CTLA4: variants seen among roughly 807,000 people sequenced by gnomAD.
The protein encoded by CTLA4 is cytotoxic T-lymphocyte associated protein 4.
In CTLA4, 3 loss-of-function variants were observed where a neutral mutation model predicts 20.4. The observed-to-expected ratio is 0.15, with a 90% confidence interval of 0.07 to 0.38. The LOEUF is 0.38. Ranked by LOEUF, CTLA4 falls within the 10% of genes least tolerant of loss-of-function variation. The pLI is 1.00. For synonymous variants in CTLA4, 100 were observed against 105.2 expected, an observed-to-expected ratio of 0.95 and a Z score of 0.30; for missense variants, 184 against 276.8, an observed-to-expected ratio of 0.66 and a Z score of 2.38.
At chr2:203,872,334 A>G (rs1365358323) in intron 3 of CTLA4, among the ~76,000 whole-genome samples, 1 of 152,156 alleles carries the variant, frequency 6.6e-6, no homozygotes, top group Non-Finnish European at 1.5e-5. Flanking sequence ...TAGGTTCAGC[A>G]GTGGGGATGA....
Position 203,867,812 on chromosome 2 carries a change from A to G in CTLA4, c.-131A>G, listed in dbSNP as rs1688654726. The G allele has an allele frequency of 1.6e-6, 1 of 627,496 alleles. No homozygotes were observed. The highest frequency in any genetic ancestry group is 2.0e-5 in the South Asian group (1 of 49,022). The allele number at this position is 627,496 out of a possible 1,614,324, so 38.9% of individuals were successfully genotyped here. A position where few individuals can be genotyped will look rare whatever the true frequency, so the allele number is the denominator to read the frequency against. ...CCTTCTGTGTGTGCACATGTGTAATACATATCTGGGATCAAAGCTATCTAT... is the reference window on the plus strand; with the variant it reads ...CCTTCTGTGTGTGCACATGTGTAATGCATATCTGGGATCAAAGCTATCTAT... On this transcript the variant is annotated 5_prime_UTR_variant, in exon 1 of 4. In the 5' UTR this introduces an upstream ATG that the reference lacks. Transcript: ENST00000648405.
Position 203,870,804 on chromosome 2 carries a change from A to G in CTLA4, c.328A>G (p.Asn110Asp). Residue 110 changes from asparagine to aspartate, a missense_variant, in exon 2 of 4, where the codon AAT (asparagine) becomes GAT (aspartate). Around this residue, in one of 3 missense-constraint regions of CTLA4, gnomAD observed 147 missense variants for 223.4 expected, o/e 0.66. Transcript: ENST00000648405. This position sits in a 1 kb window ranked among gnomAD's most constrained non-coding sequence, Gnocchi z 5.3. ...DSICTGTSSG[N>D]QVNLTIQGLR... ...CATCTGCACGGGCACCTCCAGTGGA[A>G]ATCAAGTGAACCTCACTATCCAAGG... 1.2e-6 allele frequency: 2 copies of G among 1,614,186 alleles called. No individual in the cohort carries two copies. The highest frequency in any genetic ancestry group is 1.7e-6 in the Non-Finnish European group (2 of 1,180,028).
At chr2:203,871,535 G>A in intron 3 of CTLA4, 48 bp downstream of exon 3, 5 of 1,414,228 alleles carry the variant, frequency 3.5e-6, no homozygotes, top group Non-Finnish European at 4.0e-6. Flanking sequence ...GATACCTTTA[G>A]TGGTATCAAC....
intron 3 of CTLA4, 85 bp downstream of exon 3, chr2:203,871,572 T>C (rs1417103297): frequency 2.8e-6 from 3 of 1,080,804 alleles, no homozygotes; most frequent in Non-Finnish European, 2.9e-6. Context: ...TTGAGTTTAG[T>C]GTTCTTGAGA....
Position 203,870,700 on chromosome 2 carries a change from G to T in CTLA4, c.224G>T (p.Arg75Leu), listed in dbSNP as rs1196646336. 6.2e-7 allele frequency: 1 copy of T among 1,614,190 alleles called. No individual in the cohort carries two copies. Among genetic ancestry groups the T allele is most frequent in the Admixed American group, 1.7e-5 (1 of 60,020 alleles). ...ACTGAGGTCCGGGTGACAGTGCTTC[G>T]GCAGGCTGACAGCCAGGTGACTGAA... is the stretch of plus-strand genomic sequence containing the variant. ...KATEVRVTVL[R>L]QADSQVTEVC... The change falls in exon 2 of 4, where the codon CGG (arginine) becomes CTG (leucine). Residue 75 changes from arginine (R) to leucine (L), a missense_variant. Arg to Leu is a moderately radical substitution (Grantham distance 102). Around this residue, in one of 3 missense-constraint regions of CTLA4, gnomAD observed 147 missense variants for 223.4 expected, o/e 0.66. Coordinates refer to ENST00000648405, the MANE Select transcript of CTLA4 (RefSeq NM_005214.5). The surrounding 1 kb of genome is among the most constrained non-coding windows in gnomAD (Gnocchi z 5.3).
At position 203,870,328 on chromosome 2, in the gene CTLA4, T is replaced by A; in HGVS notation, c.110-258T>A. The A allele has an allele frequency of 1.9e-6, 1 of 523,384 alleles. No homozygotes were observed. The highest frequency in any genetic ancestry group is 2.5e-5 in the South Asian group (1 of 39,678). The allele number at this position is 523,384 out of a possible 1,614,324, so 32.4% of individuals were successfully genotyped here. ...GTAGAGCCAGGTCTTCTGTTTGTCATATCAGTGTTCTTCCTGCCACAACCA... is the reference window on the plus strand; with the variant it reads ...GTAGAGCCAGGTCTTCTGTTTGTCAAATCAGTGTTCTTCCTGCCACAACCA... On this transcript the variant is annotated intron_variant, in intron 1 of 3. Coordinates refer to ENST00000648405, the MANE Select transcript of CTLA4 (RefSeq NM_005214.5). This position sits in a 1 kb window ranked among gnomAD's most constrained non-coding sequence, Gnocchi z 5.3.
intron 3 of CTLA4, among the ~76,000 whole-genome samples, chr2:203,872,216 C>T (rs1254047121): frequency 1.3e-5 from 2 of 152,148 alleles, no homozygotes; most frequent in African/African-American, 2.4e-5. Context: ...TCCTTCTTCT[C>T]GCTCTTTCTC....
In CTLA4 at chr2:203,873,342, A is replaced by ATTTTAATTTGATAG. The variant is rs1688769946; in HGVS notation, c.*531_*532insTTTAATTTGATAGT. 1 of 5,678 alleles carries ATTTTAATTTGATAG rather than the reference A, an allele frequency of 1.8e-4. No individual in the cohort carries two copies. The highest frequency in any genetic ancestry group is 2.4e-3 in the Admixed American group (1 of 410). The allele number at this position is 5,678 out of a possible 1,614,324, so 0.4% of individuals were successfully genotyped here. ...TGCATATATACATATATATATATATATATATATATATATATATATATATAT... is the reference window on the plus strand; with the variant it reads ...TGCATATATACATATATATATATATATTTTAATTTGATAGTATATATATATATATATATATATAT... On this transcript the variant is annotated 3_prime_UTR_variant, in exon 4 of 4. Transcript: ENST00000648405.
In CTLA4 at chr2:203,871,463, C is replaced by A; in HGVS notation, c.543C>A (p.Leu181=). The A allele has an allele frequency of 6.2e-7, 1 of 1,613,936 alleles. No homozygotes were observed. Among genetic ancestry groups the A allele is most frequent in the Non-Finnish European group, 8.5e-7 (1 of 1,179,848 alleles). ...GGTTGTTTTTTTATAGCTTTCTCCT[C>A]ACAGCTGTTTCTTTGAGCAAAATGG... is the stretch of plus-strand genomic sequence containing the variant. ...SSGLFFYSFL[L]TAVSLSKMLK... is the part of the protein sequence containing the mutation. The change falls in exon 3 of 4, where the codon CTC becomes CTA. Residue 181 remains leucine, a synonymous_variant. Coordinates refer to ENST00000648405, the MANE Select transcript of CTLA4 (RefSeq NM_005214.5).
At position 203,870,518 on chromosome 2, in the gene CTLA4, G is replaced by A; in HGVS notation, c.110-68G>A. Reference sequence around the variant, plus strand: ...GTGGGGATGAAGCTAGAAGGCAGAAGGGCTTGCCTGGGCTTGGCCATGAAG... The same window carrying A: ...GTGGGGATGAAGCTAGAAGGCAGAAAGGCTTGCCTGGGCTTGGCCATGAAG... On this transcript the variant is annotated intron_variant, in intron 1 of 3. Coordinates refer to ENST00000648405, the MANE Select transcript of CTLA4 (RefSeq NM_005214.5). This position sits in a 1 kb window ranked among gnomAD's most constrained non-coding sequence, Gnocchi z 5.3. 6.5e-7 allele frequency: 1 copy of A among 1,547,268 alleles called. No individual in the cohort carries two copies. The highest frequency in any genetic ancestry group is 8.8e-7 in the Non-Finnish European group (1 of 1,134,974).
intron 3 of CTLA4, 133 bp from the exon 4 acceptor site, chr2:203,872,575 G>A (rs1199378692): frequency 4.1e-6 from 2 of 485,512 alleles, no homozygotes; most frequent in South Asian, 5.0e-5. Context: ...ATCTCCTGAG[G>A]TTTATAATTC....
chr2:203,870,531 C>G lies in CTLA4; in HGVS notation c.110-55C>G. 1 of 1,578,510 alleles carries G rather than the reference C, an allele frequency of 6.3e-7. No individual in the cohort carries two copies. Among genetic ancestry groups the G allele is most frequent in the Non-Finnish European group, 8.6e-7 (1 of 1,157,958 alleles). On this transcript the variant is annotated intron_variant, in intron 1 of 3. Transcript: ENST00000648405. The surrounding 1 kb of genome is among the most constrained non-coding windows in gnomAD (Gnocchi z 5.3). Reference sequence around the variant, plus strand: ...TAGAAGGCAGAAGGGCTTGCCTGGGCTTGGCCATGAAGGAGCATGAGTTCA... The same window carrying G: ...TAGAAGGCAGAAGGGCTTGCCTGGGGTTGGCCATGAAGGAGCATGAGTTCA...
intron 3 of CTLA4, among the ~76,000 whole-genome samples, chr2:203,871,956 C>A (rs1411531763): frequency 6.6e-6 from 1 of 152,190 alleles, no homozygotes; most frequent in Admixed American, 6.5e-5. Flanking sequence ...TGTAGCTGCT[C>A]ACATGACACC....
intron 1 of CTLA4, among the ~76,000 whole-genome samples, chr2:203,869,150 A>G (rs532434422): frequency 3.9e-5 from 6 of 152,354 alleles, no homozygotes; most frequent in Admixed American, 2.6e-4. Context: ...TCTTAAGCTT[A>G]GAGTCAATAC....
At chr2:203,869,459 G>A (rs1179296538) in intron 1 of CTLA4, among the ~76,000 whole-genome samples, 4 of 152,224 alleles carry the variant, frequency 2.6e-5, no homozygotes, top group East Asian at 1.9e-4. Flanking sequence ...CAGATGTCCC[G>A]TGCAAGTGGC....
At position 203,873,223 on chromosome 2, in the gene CTLA4, A is replaced by G; in HGVS notation, c.*411A>G. The stretch of plus-strand genomic sequence containing the variant: ...AAATGATCTTTTCAAGTTAAATTTT[A>G]TGCCTTTTATTTCTTAAACAAATGT... On this transcript the variant is annotated 3_prime_UTR_variant, in exon 4 of 4. Transcript: ENST00000648405. 2.5e-6 allele frequency: 1 copy of G among 402,780 alleles called. No homozygotes were observed. The highest frequency in any genetic ancestry group is 3.5e-5 in the East Asian group (1 of 28,308). The allele number at this position is 402,780 out of a possible 1,614,324, so 25.0% of individuals were successfully genotyped here.
chr2:203,870,908 C>A lies in CTLA4; in HGVS notation c.432C>A (p.Gly144=). The part of the protein sequence containing the change: ...MYPPPYYLGI[G]NGTQIYVIDP... ...CACCGCCATACTACCTGGGCATAGG[C>A]AACGGAACCCAGATTTATGTAATTG... Residue 144 remains glycine (G), a synonymous_variant, in exon 2 of 4, where the codon GGC becomes GGA. Coordinates refer to ENST00000648405, the MANE Select transcript of CTLA4 (RefSeq NM_005214.5). This position sits in a 1 kb window ranked among gnomAD's most constrained non-coding sequence, Gnocchi z 5.3. The A allele has an allele frequency of 6.2e-7, 1 of 1,613,574 alleles. No individual in the cohort carries two copies. Among genetic ancestry groups the A allele is most frequent in the South Asian group, 1.1e-5 (1 of 91,060 alleles).
intron 3 of CTLA4, 47 bp downstream of exon 3, chr2:203,871,534 A>T: frequency 7.0e-7 from 1 of 1,429,694 alleles, no homozygotes; most frequent in Non-Finnish European, 9.9e-7. Flanking sequence ...GGATACCTTT[A>T]GTGGTATCAA....
In CTLA4 at chr2:203,872,917, G is replaced by A. The variant is rs568556838; in HGVS notation, c.*105G>A. 2.0e-5 allele frequency: 15 copies of A among 737,394 alleles called. No individual in the cohort carries two copies. Among genetic ancestry groups the A allele is most frequent in the African/African-American group, 3.5e-5 (2 of 56,544 alleles). The allele number at this position is 737,394 out of a possible 1,614,324, so 45.7% of individuals were successfully genotyped here. On this transcript the variant is annotated 3_prime_UTR_variant, in exon 4 of 4. Transcript: ENST00000648405. ...TTTTATTTGTTTGTGCATTTGGGGGGAATTCATCTCTCTTTAATATAAAGT... is the reference window on the plus strand; with the variant it reads ...TTTTATTTGTTTGTGCATTTGGGGGAAATTCATCTCTCTTTAATATAAAGT...
Sources: gnomAD v4.1 joint callset for allele counts (sites outside exome capture counted in the v4.1 genomes callset) on GRCh38, gnomAD v4.1.1 for gene constraint, gnomAD v4.1.1 regional missense constraint, Gnocchi (gnomAD v3.1) non-coding constraint, MANE v1.5 for transcripts, NCBI Gene and HGNC (gene_info 2026-07-23, HGNC 2026-07-21) for gene names.